RS1: variants seen among roughly 807,000 people sequenced by gnomAD.
RS1 encodes the protein retinoschisin 1, also known as retinoschisin.
RS1 carries 2 observed loss-of-function variants against 20.8 expected under a neutral mutation model. The observed-to-expected ratio is 0.10, with a 90% CI of 0.04 to 0.30. The LOEUF (loss-of-function observed/expected upper bound fraction) is 0.30, where lower values mean the gene tolerates loss of function less well. RS1 is among the 10% of genes least tolerant of loss of function. The pLI, the probability that RS1 is intolerant of heterozygous loss-of-function variation, is 1.00. For missense variants in RS1, 151 were observed against 189.8 expected, an observed-to-expected ratio of 0.80 and a Z score of 1.20; for synonymous variants, 70 against 75.8, an observed-to-expected ratio of 0.92 and a Z score of 0.40.
intron 3 of RS1, among the ~76,000 whole-genome samples, chrX:18,650,952 A>T (rs753827624): frequency 8.9e-6 from 1 of 112,368 alleles, no homozygotes; most frequent in Admixed American, 9.4e-5. Context: ...TTCGTAGAGC[A>T]CAGCGTCTTG....
At chrX:18,665,580 C>T (rs1602323649) in intron 1 of RS1, among the ~76,000 whole-genome samples, 2 of 110,748 alleles carry the variant, frequency 1.8e-5, no homozygotes, top group Admixed American at 9.7e-5. Context: ...ATAAAGAGGA[C>T]GTTTCCTGGC....
rs1219681723 is a variant in RS1 at position 18,656,641 on chromosome X, G to A, written c.184+12C>T. 2 of 1,163,976 alleles carry A rather than the reference G, an allele frequency of 1.7e-6. No homozygotes were observed. Among genetic ancestry groups the A allele is most frequent in the Non-Finnish European group, 2.3e-6 (2 of 851,919 alleles). ...CAATGACTGTTCCATCCCAAGGACA[G>A]GGGATACTCACCTGGTATACAGTCC... On this transcript the variant is annotated intron_variant, in intron 3 of 5. Transcript: ENST00000379984.
chrX:18,655,154 G>T (rs941413702), intron 3 of RS1, among the ~76,000 whole-genome samples: 1 of 112,006 alleles, frequency 8.9e-6, no homozygotes, highest in Non-Finnish European at 1.9e-5. Context: ...TGGTAGGAAA[G>T]AAACCAACCT....
intron 1 of RS1, among the ~76,000 whole-genome samples, chrX:18,658,622 A>T (rs1569233524): frequency 9.3e-6 from 1 of 108,074 alleles, no homozygotes; most frequent in Non-Finnish European, 1.9e-5. Flanking sequence ...CACCTGGCTA[A>T]TTTTTTGTAT....
chrX:18,660,734 C>T (rs939187853), intron 1 of RS1, among the ~76,000 whole-genome samples: 6 of 112,256 alleles, frequency 5.3e-5, no homozygotes, highest in African/African-American at 1.9e-4. Flanking sequence ...TTTCCCTGTT[C>T]TGCAACCACT....
intron 4 of RS1, among the ~76,000 whole-genome samples, chrX:18,645,384 A>G (rs985739238): frequency 9.0e-6 from 1 of 110,622 alleles, no homozygotes; most frequent in Non-Finnish European, 1.9e-5. Context: ...GGACTTCTGT[A>G]TGCCTCTCAG....
In RS1 at chrX:18,649,256, G is replaced by A. The variant is rs749683164; in HGVS notation, c.185-1924C>T. Reference sequence around the variant, plus strand: ...AATATATTTTCCTTTTTTGGTTAGAGACCTGGTCTCGCTGTGTCGCACAGG... The same window carrying A: ...AATATATTTTCCTTTTTTGGTTAGAAACCTGGTCTCGCTGTGTCGCACAGG... On this transcript the variant is annotated intron_variant, in intron 3 of 5. Coordinates refer to ENST00000379984, the MANE Select transcript of RS1 (RefSeq NM_000330.4). Among the ~76,000 whole-genome samples the A allele has an allele frequency of 7.8e-4, 86 of 110,769 alleles. 1 individual carries two copies. The Middle Eastern group carries it at 0.019, about 24-fold the overall frequency.
At chrX:18,658,821 T>C (rs1928265372) in intron 1 of RS1, among the ~76,000 whole-genome samples, 1 of 97,150 alleles carries the variant, frequency 1.0e-5, no homozygotes, top group South Asian at 4.4e-4. Flanking sequence ...TCATCATCCC[T>C]TGTGTCTGCC....
rs374375254 is a variant in RS1 at position 18,666,867 on chromosome X, G to A, written c.52+5150C>T. ...AGGATAGAGCTGCCATTTGCGGGGC[G>A]GGCGGAAGGGGAAGAAGGTTTCAGC... On this transcript the variant is annotated intron_variant, in intron 1 of 5. Coordinates refer to ENST00000379984, the MANE Select transcript of RS1 (RefSeq NM_000330.4). Among the ~76,000 whole-genome samples, 19 of 110,989 alleles carry A rather than the reference G, an allele frequency of 1.7e-4. No individual in the cohort carries two copies. The East Asian group carries it at 2.3e-3, about 13-fold the overall frequency.
intron 1 of RS1, among the ~76,000 whole-genome samples, chrX:18,665,615 A>T (rs1349253338): frequency 9.0e-6 from 1 of 111,089 alleles, no homozygotes; most frequent in East Asian, 2.8e-4. Context: ...CATGGCTGTA[A>T]TTCTAACACT....
chrX:18,644,502 C>G lies in RS1; in HGVS notation c.450G>C (p.Lys150Asn), dbSNP rs1342574819. ...CATCGGTCCTGTACTGCACGCTGTA[C>G]TTGGTCATCCACTCATCGATGTCAC... ...GRCDIDEWMT[K>N]YSVQYRTDER... The change falls in exon 5 of 6, where the codon AAG becomes AAC. Residue 150 changes from lysine to asparagine, a missense_variant. Coordinates refer to ENST00000379984, the MANE Select transcript of RS1 (RefSeq NM_000330.4). The G allele has an allele frequency of 9.9e-6, 12 of 1,209,713 alleles. No individual in the cohort carries two copies. Among genetic ancestry groups the G allele is most frequent in the Non-Finnish European group, 1.1e-5 (10 of 894,985 alleles).
chrX:18,651,260 T>TGA lies in RS1; in HGVS notation c.185-3929_185-3928insTC, dbSNP rs1243407505. Among the ~76,000 whole-genome samples the TGA allele has an allele frequency of 1.7e-4, 14 of 81,606 alleles. No homozygotes were observed. The South Asian group carries it at 2.3e-3, about 13-fold the overall frequency. The allele number at this position is 81,606 out of a possible 115,157, so 70.9% of individuals were successfully genotyped here. A position where few individuals can be genotyped will look rare whatever the true frequency, so the allele number is the denominator to read the frequency against. ...GTGTGTGTGTGTGTGTGTGTGTGTG[T>TGA]GTGTGAGAGAGAGAGAGAGAGAGAG... is the stretch of plus-strand genomic sequence containing the variant. On this transcript the variant is annotated intron_variant, in intron 3 of 5. Transcript: ENST00000379984.
chrX:18,669,712 A>G (rs1928462411), intron 1 of RS1, among the ~76,000 whole-genome samples: 1 of 111,049 alleles, frequency 9.0e-6, no homozygotes, highest in Non-Finnish European at 1.9e-5. Flanking sequence ...TCCCATGTCT[A>G]TGGGCCTTAT....
chrX:18,645,998 A>G lies in RS1; in HGVS notation c.326+1193T>C, dbSNP rs1398490648. The G allele has an allele frequency of 1.7e-6, 2 of 1,211,046 alleles. No individual in the cohort carries two copies. Among genetic ancestry groups the G allele is most frequent in the South Asian group, 1.8e-5 (1 of 56,943 alleles). On this transcript the variant is annotated intron_variant, in intron 4 of 5. Coordinates refer to ENST00000379984, the MANE Select transcript of RS1 (RefSeq NM_000330.4). Reference sequence around the variant, plus strand: ...CTCTGCTGCTCTTTTGTTTCTCCCCACTAACTAGACGGTGGATGTGATGGC... The same window carrying G: ...CTCTGCTGCTCTTTTGTTTCTCCCCGCTAACTAGACGGTGGATGTGATGGC...
Position 18,657,169 on chromosome X carries a change from A to C in RS1, c.79-411T>G, listed in dbSNP as rs746020285. On this transcript the variant is annotated intron_variant, in intron 2 of 5. Coordinates refer to ENST00000379984, the MANE Select transcript of RS1 (RefSeq NM_000330.4). ...TCTCTCATTCAAACACCAATCGTGG[A>C]GCTTGCCTAGGTCAAATGTGCTACA... Among the ~76,000 whole-genome samples, 3 of 105,092 alleles carry C rather than the reference A, an allele frequency of 2.9e-5. No individual in the cohort carries two copies. The South Asian group carries it at 1.3e-3, about 47-fold the overall frequency. 91.3% of individuals were successfully genotyped at this position (105,092 alleles called of 115,157 possible).
intron 3 of RS1, among the ~76,000 whole-genome samples, chrX:18,652,925 T>C (rs1928112614): frequency 8.9e-6 from 1 of 112,663 alleles, no homozygotes; most frequent in South Asian, 3.6e-4. Context: ...CCTTTTTACT[T>C]TAGTGGCTAC....
intron 1 of RS1, among the ~76,000 whole-genome samples, chrX:18,665,369 G>A (rs1454048334): frequency 1.8e-5 from 2 of 111,671 alleles, no homozygotes; most frequent in Non-Finnish European, 3.8e-5. Context: ...CCCCTATGAT[G>A]CATATAATAA....
chrX:18,649,172 G>T (rs1029228058), intron 3 of RS1, among the ~76,000 whole-genome samples: 1 of 111,136 alleles, frequency 9.0e-6, no homozygotes, highest in Non-Finnish European at 1.9e-5. Flanking sequence ...TATTTAGGGG[G>T]TCTTGTGCTT....
intron 1 of RS1, among the ~76,000 whole-genome samples, chrX:18,664,905 C>T (rs1239907436): frequency 9.0e-6 from 1 of 110,920 alleles, no homozygotes; most frequent in Non-Finnish European, 1.9e-5. Context: ...TTTGTAGAGA[C>T]GGGGTCTATG....
Sources: allele counts gnomAD v4.1 joint callset (sites outside exome capture counted in the v4.1 genomes callset), GRCh38; gene constraint gnomAD v4.1.1; transcripts MANE v1.5; gene names NCBI Gene and HGNC (gene_info 2026-07-23, HGNC 2026-07-21).